CACHD1: variants seen among roughly 807,000 people sequenced by gnomAD.
CACHD1 encodes the protein VWFA and cache domain-containing protein 1.
A neutral mutation model predicts 138.7 loss-of-function variants in CACHD1; 71 were observed. The observed-to-expected ratio is 0.51, with a 90% CI of 0.42 to 0.62. The LOEUF (loss-of-function observed/expected upper bound fraction) is 0.62, where lower values mean the gene tolerates loss of function less well. CACHD1 is among the 20% of genes least tolerant of loss of function. The pLI, the probability that CACHD1 is intolerant of heterozygous loss-of-function variation, is 0.00. For synonymous variants in CACHD1, 578 were observed against 591.5 expected, an observed-to-expected ratio of 0.98 and a Z score of 0.33; for missense variants, 1,389 against 1,625.3, an observed-to-expected ratio of 0.85 and a Z score of 2.50.
At chr1:64,601,458 T>A (rs1647213560) in intron 3 of CACHD1, among the ~76,000 whole-genome samples, 1 of 152,360 alleles carries the variant, frequency 6.6e-6, no homozygotes, top group Non-Finnish European at 1.5e-5. Flanking sequence ...GTGAAGCAAC[T>A]GTGTCCTTTG....
intron 3 of CACHD1, among the ~76,000 whole-genome samples, chr1:64,587,326 G>A (rs918077111): frequency 1.3e-5 from 2 of 152,080 alleles, no homozygotes; most frequent in African/African-American, 2.4e-5. Context: ...TTCTCCAGTA[G>A]TGCTTAATAG....
intron 3 of CACHD1, among the ~76,000 whole-genome samples, chr1:64,602,435 T>C (rs1647226469): frequency 1.3e-5 from 2 of 151,814 alleles, no homozygotes; most frequent in African/African-American, 4.8e-5. Flanking sequence ...ATTTAAAGAA[T>C]TCTGTTTTAC....
chr1:64,663,550 GAAAAAAAAA>G (rs11289872), intron 13 of CACHD1, 136 bp from the exon 14 acceptor site: 378 of 797,602 alleles, frequency 4.7e-4, no homozygotes, highest in Non-Finnish European at 6.7e-4. Context: ...GACTCCATCT[GAAAAAAAAA>G]AAAAAAGAAA....
Position 64,679,768 on chromosome 1 carries a change from A to G in CACHD1, c.3406+12A>G. 2 of 1,612,806 alleles carry G rather than the reference A, an allele frequency of 1.2e-6. No individual in the cohort carries two copies. The highest frequency in any genetic ancestry group is 1.7e-6 in the Non-Finnish European group (2 of 1,179,810). On this transcript the variant is annotated intron_variant, in intron 24 of 26. Transcript: ENST00000651257. ...TCTTGCTGCCCAAGGTGAGCTCAAA[A>G]TGAACCCCACAGGGGAGGCAGCAGC...
chr1:64,503,394 CCAAAA>C (rs781395074), intron 1 of CACHD1, among the ~76,000 whole-genome samples: 3 of 151,982 alleles, frequency 2.0e-5, no homozygotes, highest in Non-Finnish European at 2.9e-5. Flanking sequence ...CATGGAAAAC[CCAAAA>C]CAAAACAAAA....
chr1:64,653,362 T>C (rs1649158815), intron 10 of CACHD1, among the ~76,000 whole-genome samples: 1 of 136,536 alleles, frequency 7.3e-6, no homozygotes, highest in African/African-American at 2.8e-5. Flanking sequence ...AACCTGCACA[T>C]GTACCCCTGA....
intron 1 of CACHD1, among the ~76,000 whole-genome samples, chr1:64,500,290 AC>A (rs1009366718): frequency 6.6e-6 from 1 of 152,132 alleles, no homozygotes; most frequent in Admixed American, 6.5e-5. Context: ...GCATACACAT[AC>A]CTGTTTCACA....
At chr1:64,687,570 C>T (rs1296221777) in intron 26 of CACHD1, among the ~76,000 whole-genome samples, 2 of 152,144 alleles carry the variant, frequency 1.3e-5, no homozygotes, top group Non-Finnish European at 2.9e-5. Flanking sequence ...GCCTTGGAGA[C>T]AGCTGCACCA....
intron 4 of CACHD1, among the ~76,000 whole-genome samples, chr1:64,607,706 A>G (rs2375522): frequency 0.99 from 150,493 of 152,284 alleles, 74,385 homozygotes; most frequent in East Asian, 1. Context: ...AGCACAGAGC[A>G]TTCATTCATA....
intron 1 of CACHD1, among the ~76,000 whole-genome samples, chr1:64,475,597 A>C (rs1422591051): frequency 1.3e-5 from 2 of 152,102 alleles, no homozygotes; most frequent in African/African-American, 4.8e-5. Flanking sequence ...CCCAGGCTGG[A>C]GTGCAGTGGC....
intron 2 of CACHD1, among the ~76,000 whole-genome samples, chr1:64,560,622 T>C (rs1646831643): frequency 6.6e-6 from 1 of 152,148 alleles, no homozygotes; most frequent in Non-Finnish European, 1.5e-5. Context: ...GCTCTACATA[T>C]GATCAGTCTT....
rs542619066 is a variant in CACHD1, at chr1:64,679,789, G to A, written c.3406+33G>A. 6 of 1,608,974 alleles carry A rather than the reference G, an allele frequency of 3.7e-6. No homozygotes were observed. The South Asian group carries it at 5.5e-5, about 15-fold the overall frequency. ...CAAAATGAACCCCACAGGGGAGGCAGCAGCCAGGCTAGAAGGACAGTGGCG... is the reference window on the plus strand; with the variant it reads ...CAAAATGAACCCCACAGGGGAGGCAACAGCCAGGCTAGAAGGACAGTGGCG... On this transcript the variant is annotated intron_variant, in intron 24 of 26. Coordinates refer to ENST00000651257, the MANE Select transcript of CACHD1 (RefSeq NM_020925.4).
rs751576281 is a variant in CACHD1 at position 64,629,497 on chromosome 1, T to C, written c.644+16T>C. Reference sequence around the variant, plus strand: ...ACCGCAGTAGGTATGTTGACTTGCATGCTAAAGTTTTTAATTATTGCTTAA... The same window carrying C: ...ACCGCAGTAGGTATGTTGACTTGCACGCTAAAGTTTTTAATTATTGCTTAA... On this transcript the variant is annotated intron_variant, in intron 5 of 26. Coordinates refer to ENST00000651257, the MANE Select transcript of CACHD1 (RefSeq NM_020925.4). 6.2e-7 allele frequency: 1 copy of C among 1,610,424 alleles called. No individual in the cohort carries two copies. Among genetic ancestry groups the C allele is most frequent in the South Asian group, 1.1e-5 (1 of 90,158 alleles).
chr1:64,586,138 A>G (rs144624479), intron 3 of CACHD1, among the ~76,000 whole-genome samples: 1 of 152,058 alleles, frequency 6.6e-6, no homozygotes. Context: ...GTCTCGGCTC[A>G]CTTCAGCCTC....
intron 3 of CACHD1, among the ~76,000 whole-genome samples, chr1:64,583,839 C>T (rs1011144919): frequency 1.5e-4 from 23 of 152,074 alleles, no homozygotes; most frequent in African/African-American, 3.6e-4. Context: ...CTCACTGTCA[C>T]GAGAACAGCA....
At chr1:64,578,851 A>G (rs1397954408) in intron 2 of CACHD1, among the ~76,000 whole-genome samples, 1 of 152,146 alleles carries the variant, frequency 6.6e-6, no homozygotes, top group Non-Finnish European at 1.5e-5. Flanking sequence ...ACGTAGTATC[A>G]CTTTCTCTGT....
In CACHD1 at chr1:64,641,863, A is replaced by G; in HGVS notation, c.1050A>G (p.Ser350=). 1 of 1,596,064 alleles carries G rather than the reference A, an allele frequency of 6.3e-7. No homozygotes were observed. Among genetic ancestry groups the G allele is most frequent in the East Asian group, 2.3e-5 (1 of 44,198 alleles). The part of the protein sequence containing the change: ...VIIYLSAGIT[S]KDSSEEDKKA... Reference sequence around the variant, plus strand: ...TTTACCTGTCAGCTGGCATTACATCAAAGGACTCTTCGGAAGAAGATAAAA... The same window carrying G: ...TTTACCTGTCAGCTGGCATTACATCGAAGGACTCTTCGGAAGAAGATAAAA... Residue 350 remains serine (S), a synonymous_variant, in exon 8 of 27, where the codon TCA becomes TCG. Transcript: ENST00000651257.
intron 1 of CACHD1, among the ~76,000 whole-genome samples, chr1:64,483,576 G>T (rs180895052): frequency 5.4e-4 from 82 of 151,498 alleles, no homozygotes; most frequent in Non-Finnish European, 1.1e-3. Flanking sequence ...GGGTGTGGTG[G>T]CTCACTTTGG....
chr1:64,502,055 GTTAA>G (rs1205960825), intron 1 of CACHD1, among the ~76,000 whole-genome samples: 1 of 152,178 alleles, frequency 6.6e-6, no homozygotes, highest in Non-Finnish European at 1.5e-5. Context: ...AATATTTAAG[GTTAA>G]TTGTTTTTGG....
Sources: gnomAD v4.1 joint callset for allele counts (sites outside exome capture counted in the v4.1 genomes callset) on GRCh38, gnomAD v4.1.1 for gene constraint, MANE v1.5 for transcripts, NCBI Gene and HGNC (gene_info 2026-07-23, HGNC 2026-07-21) for gene names.